PIP4K2A: variants seen among roughly 807,000 people sequenced by gnomAD.
PIP4K2A encodes the protein phosphatidylinositol-5-phosphate 4-kinase type 2 alpha.
A neutral mutation model predicts 42.9 loss-of-function variants in PIP4K2A; 14 were observed. That is an observed-to-expected ratio of 0.33 (90% CI 0.22 to 0.51). PIP4K2A has a LOEUF of 0.51. PIP4K2A is among the 20% of genes least tolerant of loss of function. PIP4K2A has a pLI of 0.97. For synonymous variants in PIP4K2A, 192 were observed against 192.2 expected, an observed-to-expected ratio of 1.00 and a Z score of 0.01; for missense variants, 434 against 519.8, an observed-to-expected ratio of 0.83 and a Z score of 1.61.
At chr10:22,608,637 T>C (rs1174553824) in intron 2 of PIP4K2A, among the ~76,000 whole-genome samples, 1 of 152,110 alleles carries the variant, frequency 6.6e-6, no homozygotes, top group Non-Finnish European at 1.5e-5. Context: ...TTTGGGAGAC[T>C]GAGGTGGGAG....
Position 22,561,283 on chromosome 10 carries a change from T to C in PIP4K2A, c.678+6568A>G, listed in dbSNP as rs184917690. Among the ~76,000 whole-genome samples, 14 of 152,362 alleles carry C rather than the reference T, an allele frequency of 9.2e-5. No individual in the cohort carries two copies. In the East Asian group the frequency reaches 2.5e-3, roughly 27 times the overall value. On this transcript the variant is annotated intron_variant, in intron 6 of 9. Transcript: ENST00000376573. ...ATGCATGTTCTGAGACTTGTTGCCA[T>C]GAAAGTGATTCCATTGTTAGAATAT...
At chr10:22,623,781 G>C (rs74609210) in intron 1 of PIP4K2A, among the ~76,000 whole-genome samples, 22,343 of 152,150 alleles carry the variant, frequency 0.15, 1,903 homozygotes, top group African/African-American at 0.23. Flanking sequence ...CAACCACATG[G>C]GCTGAAGCTA....
At chr10:22,680,076 A>G (rs535759449) in intron 1 of PIP4K2A, among the ~76,000 whole-genome samples, 9 of 152,216 alleles carry the variant, frequency 5.9e-5, no homozygotes, top group African/African-American at 1.9e-4. Context: ...ATTATATCTC[A>G]ATAAAGCTGT....
At chr10:22,572,301 A>T (rs1297819291) in intron 5 of PIP4K2A, among the ~76,000 whole-genome samples, 1 of 152,236 alleles carries the variant, frequency 6.6e-6, no homozygotes, top group Non-Finnish European at 1.5e-5. Flanking sequence ...GCATCGTGGT[A>T]TTCCAATAAA....
chr10:22,608,461 A>G (rs976232633), intron 2 of PIP4K2A, among the ~76,000 whole-genome samples: 9 of 152,308 alleles, frequency 5.9e-5, no homozygotes, highest in Admixed American at 4.6e-4. Context: ...TTTTATATAA[A>G]TGCCACATTC....
At chr10:22,594,125 G>T (rs994630008) in intron 3 of PIP4K2A, among the ~76,000 whole-genome samples, 5 of 152,124 alleles carry the variant, frequency 3.3e-5, no homozygotes, top group Non-Finnish European at 5.9e-5. Context: ...CTGCTGGAGT[G>T]GGTCTGCAGA....
intron 3 of PIP4K2A, among the ~76,000 whole-genome samples, chr10:22,604,003 GCGCA>G (rs1262338582): frequency 1.0e-5 from 1 of 97,854 alleles, no homozygotes; most frequent in African/African-American, 5.1e-5. Flanking sequence ...GCACACACGC[GCGCA>G]CGCACACACA....
Position 22,540,018 on chromosome 10 carries a change from CATA to C in PIP4K2A, c.1090_1092del (p.Tyr364del), listed in dbSNP as rs756401311. On this transcript the variant is annotated inframe_deletion, in exon 9 of 10. Coordinates refer to ENST00000376573, the MANE Select transcript of PIP4K2A (RefSeq NM_005028.5). ...GCATGGGCAGCTTTCTTTTTTGCAT[CATA>C]ATGAGTAAGGATGTCAATAATTGCC... The C allele has an allele frequency of 2.5e-6, 4 of 1,613,018 alleles. No homozygotes were observed. The highest frequency in any genetic ancestry group is 3.4e-6 in the Non-Finnish European group (4 of 1,179,150).
chr10:22,621,301 T>C (rs1291875062), intron 1 of PIP4K2A, among the ~76,000 whole-genome samples: 1 of 152,194 alleles, frequency 6.6e-6, no homozygotes, highest in Non-Finnish European at 1.5e-5. Flanking sequence ...ACTTAATGGA[T>C]GTCAAATAAG....
intron 1 of PIP4K2A, among the ~76,000 whole-genome samples, chr10:22,681,298 T>C (rs1238113142): frequency 6.6e-6 from 1 of 152,174 alleles, no homozygotes; most frequent in Non-Finnish European, 1.5e-5. Flanking sequence ...AAGAGCCCAC[T>C]AAGAGCTAAA....
At chr10:22,568,031 C>A in intron 5 of PIP4K2A, 142 bp from the exon 6 acceptor site, 2 of 754,602 alleles carry the variant, frequency 2.7e-6, no homozygotes, top group East Asian at 2.4e-5. Flanking sequence ...ATGGGCTTCT[C>A]ATCCCTCCCT....
intron 4 of PIP4K2A, among the ~76,000 whole-genome samples, chr10:22,583,966 A>G (rs891382390): frequency 6.6e-6 from 1 of 152,228 alleles, no homozygotes; most frequent in East Asian, 1.9e-4. Flanking sequence ...CTGAGGCTTG[A>G]CTGGGCCAGC....
chr10:22,543,051 T>A (rs985875336), intron 7 of PIP4K2A, among the ~76,000 whole-genome samples: 2 of 152,220 alleles, frequency 1.3e-5, no homozygotes, highest in Non-Finnish European at 2.9e-5. Flanking sequence ...AGGAAGCAGA[T>A]GTCCTCATGC....
chr10:22,544,058 G>C (rs1319098114), intron 7 of PIP4K2A, among the ~76,000 whole-genome samples: 1 of 152,192 alleles, frequency 6.6e-6, no homozygotes, highest in Non-Finnish European at 1.5e-5. Flanking sequence ...CCTTAAAGCA[G>C]CTTTCCCCTC....
intron 1 of PIP4K2A, among the ~76,000 whole-genome samples, chr10:22,690,691 T>G (rs1487741963): frequency 3.3e-5 from 5 of 152,196 alleles, no homozygotes; most frequent in Admixed American, 6.5e-5. Flanking sequence ...TTCTGTCCTC[T>G]TAATAGCATG....
At chr10:22,709,934 T>C (rs1833885352) in intron 1 of PIP4K2A, among the ~76,000 whole-genome samples, 1 of 152,110 alleles carries the variant, frequency 6.6e-6, no homozygotes, top group African/African-American at 2.4e-5. Context: ...TCATCTAATG[T>C]CTAATTTTAA....
intron 1 of PIP4K2A, among the ~76,000 whole-genome samples, chr10:22,651,604 TC>T (rs572596307): frequency 6.6e-6 from 1 of 152,212 alleles, no homozygotes; most frequent in Non-Finnish European, 1.5e-5. Flanking sequence ...TTAGACTCTG[TC>T]CCCTTATTAT....
chr10:22,655,905 G>A (rs1280524390), intron 1 of PIP4K2A, among the ~76,000 whole-genome samples: 2 of 152,044 alleles, frequency 1.3e-5, no homozygotes, highest in African/African-American at 4.8e-5. Flanking sequence ...GTGTAGTGTT[G>A]CATCGTTCCA....
Position 22,536,210 on chromosome 10 carries a change from C to T in PIP4K2A, c.*991G>A. The T allele has an allele frequency of 2.5e-6, 1 of 398,104 alleles. No homozygotes were observed. The highest frequency in any genetic ancestry group is 6.3e-4 in the Middle Eastern group (1 of 1,584). 24.7% of individuals were successfully genotyped at this position (398,104 alleles called of 1,614,324 possible). A position where few individuals can be genotyped will look rare whatever the true frequency, so the allele number is the denominator to read the frequency against. The stretch of plus-strand genomic sequence containing the variant: ...TATAATTCAGATCTGCATTTGGTAA[C>T]AGGAGAATTGAGAGTTTTGATGCTT... On this transcript the variant is annotated 3_prime_UTR_variant, in exon 10 of 10. Coordinates refer to ENST00000376573, the MANE Select transcript of PIP4K2A (RefSeq NM_005028.5).
Sources: allele counts gnomAD v4.1 joint callset (sites outside exome capture counted in the v4.1 genomes callset), GRCh38; gene constraint gnomAD v4.1.1; transcripts MANE v1.5; gene names NCBI Gene and HGNC (gene_info 2026-07-23, HGNC 2026-07-21).